TENM4: variants seen among roughly 807,000 people sequenced by gnomAD.
TENM4 encodes the protein teneurin-4.
A neutral mutation model predicts 243.3 loss-of-function variants in TENM4; 82 were observed. The ratio of observed to expected loss-of-function variants is 0.34; its 90% CI spans 0.28 to 0.40. The LOEUF (loss-of-function observed/expected upper bound fraction) is 0.40. TENM4 is among the 10% of genes least tolerant of loss of function. TENM4 has a pLI of 1.00. For missense variants in TENM4, 3,138 were observed against 3,673.3 expected (o/e 0.85, Z 3.77); for synonymous variants, 1,412 against 1,456.3 (o/e 0.97, Z 0.69).
chr11:79,361,468 A>T (rs1857587846), intron 1 of TENM4, among the ~76,000 whole-genome samples: 1 of 152,158 alleles, frequency 6.6e-6, no homozygotes, highest in Non-Finnish European at 1.5e-5. Flanking sequence ...AGGTTCTAAT[A>T]CGTGTATCTT....
Position 79,440,277 on chromosome 11 carries a change from C to T in TENM4, c.-321+232G>A, listed in dbSNP as rs1374033495. On this transcript the variant is annotated intron_variant, in intron 1 of 33. Transcript: ENST00000278550. This position sits in a 1 kb window ranked among gnomAD's most constrained non-coding sequence, Gnocchi z 4.7. Reference sequence around the variant, plus strand: ...CCCAGGCTCCAGTCCGCGGCGGGCTCCGGGGGCTGCGGCGGCTCCAGGCTC... The same window carrying T: ...CCCAGGCTCCAGTCCGCGGCGGGCTTCGGGGGCTGCGGCGGCTCCAGGCTC... Among the ~76,000 whole-genome samples, 1 of 151,936 alleles carries T rather than the reference C, an allele frequency of 6.6e-6. No individual in the cohort carries two copies. Among genetic ancestry groups the T allele is most frequent in the African/African-American group, 2.4e-5 (1 of 41,412 alleles).
At chr11:78,962,658 AGTCCTGACGG>A (rs1857355214) in intron 6 of TENM4, among the ~76,000 whole-genome samples, 1 of 152,228 alleles carries the variant, frequency 6.6e-6, no homozygotes, top group Non-Finnish European at 1.5e-5. Flanking sequence ...CCCGGGGTCT[AGTCCTGACGG>A]GGCTAGGTGA....
intron 2 of TENM4, among the ~76,000 whole-genome samples, chr11:79,261,311 A>G (rs1370547882): frequency 6.6e-6 from 1 of 152,176 alleles, no homozygotes; most frequent in East Asian, 1.9e-4. Flanking sequence ...GAAAGCTGAT[A>G]GATCTGACCC....
chr11:78,781,176 T>A (rs1395566958), intron 16 of TENM4, among the ~76,000 whole-genome samples: 4 of 152,252 alleles, frequency 2.6e-5, no homozygotes, highest in African/African-American at 9.6e-5. Context: ...TTGGCACATA[T>A]GCTGTTGAGT....
Position 78,701,812 on chromosome 11 carries a change from G to A in TENM4, c.4801C>T (p.Leu1601=). ...TTGKHLYTQS[L]PTGDYLYNFT... Reference sequence around the variant, plus strand: ...TTGTACAGGTAGTCTCCTGTGGGCAGGCTTTGGGTGTACAGGTGCTTGCCG... The same window carrying A: ...TTGTACAGGTAGTCTCCTGTGGGCAAGCTTTGGGTGTACAGGTGCTTGCCG... Residue 1601 remains leucine, a synonymous_variant, in exon 28 of 34, where the codon CTG becomes TTG. Coordinates refer to ENST00000278550, the MANE Select transcript of TENM4 (RefSeq NM_001098816.3). The A allele has an allele frequency of 6.2e-7, 1 of 1,614,046 alleles. No individual in the cohort carries two copies. Among genetic ancestry groups the A allele is most frequent in the Non-Finnish European group, 8.5e-7 (1 of 1,179,898 alleles).
At chr11:79,436,992 A>G (rs927850301) in intron 1 of TENM4, among the ~76,000 whole-genome samples, 5 of 152,226 alleles carry the variant, frequency 3.3e-5, no homozygotes, top group African/African-American at 1.2e-4. Flanking sequence ...TCCTGGCTGA[A>G]TATCTTGAGG....
At chr11:79,081,545 G>GTGTGTGTGTGTGTA (rs1860674928) in intron 4 of TENM4, among the ~76,000 whole-genome samples, 1 of 151,658 alleles carries the variant, frequency 6.6e-6, no homozygotes, top group African/African-American at 2.4e-5. Context: ...GTGTGTGTGT[G>GTGTGTGTGTGTGTA]TGTGTGTGTG....
chr11:78,712,376 C>A (rs1859418602), intron 26 of TENM4, 106 bp downstream of exon 26: 7 of 984,350 alleles, frequency 7.1e-6, no homozygotes, highest in Non-Finnish European at 9.1e-6. Flanking sequence ...CCATATATTT[C>A]TTGGTATTTT....
chr11:78,810,261 A>G (rs1591040390), intron 14 of TENM4, among the ~76,000 whole-genome samples: 2 of 152,262 alleles, frequency 1.3e-5, no homozygotes, highest in East Asian at 3.8e-4. Flanking sequence ...GGCCCTCCTC[A>G]GAAAAGAAAG....
intron 6 of TENM4, among the ~76,000 whole-genome samples, chr11:79,020,591 G>A (rs1325105867): frequency 6.8e-6 from 1 of 146,514 alleles, no homozygotes; most frequent in Non-Finnish European, 1.5e-5. Context: ...TTAAACCCTG[G>A]AATGTAAATG....
chr11:78,855,880 C>G, intron 11 of TENM4, 84 bp downstream of exon 11: 1 of 1,328,026 alleles, frequency 7.5e-7, no homozygotes, highest in Non-Finnish European at 1.0e-6. Flanking sequence ...AGGCTTAAGG[C>G]TCTGGATTGG....
intron 3 of TENM4, among the ~76,000 whole-genome samples, chr11:79,213,664 A>G (rs1457272621): frequency 6.6e-6 from 1 of 152,226 alleles, no homozygotes; most frequent in African/African-American, 2.4e-5. Flanking sequence ...TTGGGGAACC[A>G]GGGAGAGAAA....
intron 1 of TENM4, among the ~76,000 whole-genome samples, chr11:79,421,042 T>C (rs1590954172): frequency 1.3e-5 from 2 of 152,264 alleles, no homozygotes; most frequent in East Asian, 1.9e-4. Context: ...TGGTAGGGAG[T>C]ATTTTTTAAA....
At chr11:78,977,201 G>A (rs980367603) in intron 6 of TENM4, among the ~76,000 whole-genome samples, 1 of 152,126 alleles carries the variant, frequency 6.6e-6, no homozygotes, top group Non-Finnish European at 1.5e-5. Context: ...CCTGCGTGGC[G>A]CTGCCTTCTT....
intron 6 of TENM4, among the ~76,000 whole-genome samples, chr11:78,985,753 C>A (rs1286074390): frequency 4.6e-5 from 7 of 151,790 alleles, no homozygotes; most frequent in African/African-American, 1.7e-4. Context: ...TTTTTTATTG[C>A]CATGCAGAAA....
intron 1 of TENM4, among the ~76,000 whole-genome samples, chr11:79,369,382 AT>A (rs751461365): frequency 1.3e-5 from 2 of 152,186 alleles, no homozygotes; most frequent in African/African-American, 2.4e-5. Flanking sequence ...GGCGCATTAC[AT>A]TTCAGCATGA....
intron 7 of TENM4, among the ~76,000 whole-genome samples, chr11:78,893,860 C>T (rs1048766305): frequency 4.6e-5 from 7 of 150,768 alleles, no homozygotes; most frequent in African/African-American, 1.7e-4. Context: ...AGCAAGGGGC[C>T]AGGAAGTGAT....
rs555350946 is a variant in TENM4 at position 79,348,031 on chromosome 11, G to A, written c.-320-50488C>T. 8.1e-4 allele frequency among the ~76,000 whole-genome samples: 123 copies of A among 151,532 alleles called. 2 individuals carry two copies. In the South Asian group the frequency reaches 0.025, roughly 30 times the overall value. ...CCGGACCTCATGATCCACCCGCCTC[G>A]GCCTCCCAAAGTGCTGGGATTACAG... is the stretch of plus-strand genomic sequence containing the variant. On this transcript the variant is annotated intron_variant, in intron 1 of 33. Transcript: ENST00000278550.
chr11:79,041,067 CTCT>C (rs1301871461), intron 6 of TENM4, among the ~76,000 whole-genome samples: 1 of 43,996 alleles, frequency 2.3e-5, no homozygotes, highest in Non-Finnish European at 5.9e-5. Flanking sequence ...TGCCATTCTC[CTCT>C]TTTTTTTTTT....
Sources: gnomAD v4.1 joint callset for allele counts (sites outside exome capture counted in the v4.1 genomes callset) on GRCh38, gnomAD v4.1.1 for gene constraint, Gnocchi (gnomAD v3.1) non-coding constraint, MANE v1.5 for transcripts, NCBI Gene and HGNC (gene_info 2026-07-23, HGNC 2026-07-21) for gene names.